Variants in KSR2 observed in about 807,000 individuals in gnomAD.
The protein encoded by KSR2 is kinase suppressor of ras 2.
KSR2 carries 25 observed loss-of-function variants against 107.8 expected under a neutral mutation model. The observed-to-expected ratio is 0.23, with a 90% CI of 0.17 to 0.32. KSR2 has a LOEUF of 0.32. Among genes scored for constraint, KSR2 ranks in the 10% least tolerant of loss-of-function variants. The pLI is 1.00. For synonymous variants in KSR2, 480 were observed against 507.0 expected (o/e 0.95, Z 0.71); for missense variants, 887 against 1,268.9 (o/e 0.70, Z 4.57).
Position 117,459,398 on chromosome 12 carries a change from T to A in KSR2, c.*7801A>T, listed in dbSNP as rs1870782823. 6.6e-6 allele frequency: 1 copy of A among 152,190 alleles called. No individual in the cohort carries two copies. Among genetic ancestry groups the A allele is most frequent in the South Asian group, 2.1e-4 (1 of 4,832 alleles). 9.4% of individuals were successfully genotyped at this position (152,190 alleles called of 1,614,324 possible). ...GATAAGGGAGGGTCACTCATATCCATCTTAAGTGGTAACTCGAATGCCCTG... is the reference window on the plus strand; with the variant it reads ...GATAAGGGAGGGTCACTCATATCCAACTTAAGTGGTAACTCGAATGCCCTG... On this transcript the variant is annotated 3_prime_UTR_variant, in exon 20 of 20. Coordinates refer to ENST00000339824, the MANE Select transcript of KSR2 (RefSeq NM_173598.6).
chr12:117,729,074 C>G (rs1887558301), intron 4 of KSR2, among the ~76,000 whole-genome samples: 2 of 152,124 alleles, frequency 1.3e-5, no homozygotes, highest in Non-Finnish European at 2.9e-5. Flanking sequence ...GGGCCAAACT[C>G]AGCGCTGTGC....
rs546601609 is a variant in KSR2, at chr12:117,539,608, C to T, written c.1687+111G>A. On this transcript the variant is annotated intron_variant, in intron 10 of 19. Coordinates refer to ENST00000339824, the MANE Select transcript of KSR2 (RefSeq NM_173598.6). ...GCCCCTCTCTGGTCATTGACCCATT[C>T]GCTTTCCTGCAGAGACTTGCTGCAT... is the stretch of plus-strand genomic sequence containing the variant. 8.4e-5 allele frequency: 90 copies of T among 1,073,498 alleles called. No individual in the cohort carries two copies. In the East Asian group the frequency reaches 2.1e-3, roughly 26 times the overall value. 66.5% of individuals were successfully genotyped at this position (1,073,498 alleles called of 1,614,324 possible). A position where few individuals can be genotyped will look rare whatever the true frequency, so the allele number is the denominator to read the frequency against.
At chr12:117,937,393 T>TCTATTATTATTATTATTA (rs1487539046) in intron 1 of KSR2, among the ~76,000 whole-genome samples, 1 of 152,064 alleles carries the variant, frequency 6.6e-6, no homozygotes, top group Non-Finnish European at 1.5e-5. Flanking sequence ...ATCTTGCCCA[T>TCTATTATTATTATTATTA]CTATTATTAT....
chr12:117,513,247 G>A (rs1317538442), intron 14 of KSR2, among the ~76,000 whole-genome samples: 2 of 152,182 alleles, frequency 1.3e-5, no homozygotes, highest in African/African-American at 4.8e-5. Flanking sequence ...TCCATTGATT[G>A]AGGAAAGCAG....
rs7132312 is a variant in KSR2, at chr12:117,763,300, T to C, written c.473-1776A>G. The stretch of plus-strand genomic sequence containing the variant: ...TAATCCAGTCTATCATTGTTGGACA[T>C]TTGGGTTGGTTCCAAGTCTTTGCTA... On this transcript the variant is annotated intron_variant, in intron 3 of 19. Transcript: ENST00000339824. 5.3e-3 allele frequency among the ~76,000 whole-genome samples: 786 copies of C among 148,780 alleles called. 3 individuals are homozygous for C. The highest frequency in any genetic ancestry group is 7.8e-3 in the Non-Finnish European group (527 of 67,602).
chr12:117,706,067 G>A (rs544255254), intron 4 of KSR2, among the ~76,000 whole-genome samples: 21 of 141,448 alleles, frequency 1.5e-4, no homozygotes, highest in African/African-American at 5.3e-4. Flanking sequence ...TTTTTGAGAC[G>A]GAGTCCTGCT....
chr12:117,694,849 T>TA (rs1565965213), intron 4 of KSR2, among the ~76,000 whole-genome samples: 3 of 122,956 alleles, frequency 2.4e-5, no homozygotes, highest in African/African-American at 1.1e-4. Context: ...ATGATTCTTT[T>TA]TTTTTTTTTT....
intron 4 of KSR2, among the ~76,000 whole-genome samples, chr12:117,758,992 A>G (rs974575025): frequency 6.6e-6 from 1 of 152,026 alleles, no homozygotes; most frequent in South Asian, 2.1e-4. Flanking sequence ...GCAGGCCCCA[A>G]TCTCTGTGGC....
intron 5 of KSR2, among the ~76,000 whole-genome samples, chr12:117,666,852 C>A (rs1884677847): frequency 6.6e-6 from 1 of 152,134 alleles, no homozygotes; most frequent in African/African-American, 2.4e-5. Flanking sequence ...CAAATCGGGC[C>A]TCTGGGTAGA....
intron 4 of KSR2, among the ~76,000 whole-genome samples, chr12:117,713,584 T>C (rs1886873822): frequency 6.6e-6 from 1 of 151,902 alleles, no homozygotes; most frequent in South Asian, 2.1e-4. Context: ...TTTGTGTAGT[T>C]TGCATTTGTT....
chr12:117,839,972 A>C (rs1472783633), intron 3 of KSR2, among the ~76,000 whole-genome samples: 1 of 152,178 alleles, frequency 6.6e-6, no homozygotes, highest in Non-Finnish European at 1.5e-5. Flanking sequence ...GTTGCCCAGA[A>C]AGACAGAAAA....
Position 117,861,618 on chromosome 12 carries a change from G to T in KSR2, c.181-1187C>A, listed in dbSNP as rs577323734. Among the ~76,000 whole-genome samples, 10 of 151,750 alleles carry T rather than the reference G, an allele frequency of 6.6e-5. No individual in the cohort carries two copies. The East Asian group carries it at 1.4e-3, about 21-fold the overall frequency. ...TTAGCCAGGATGGTCTCGATCTCCT[G>T]ACCTGGGGATCTGCCCGCCTCGGCC... is the stretch of plus-strand genomic sequence containing the variant. On this transcript the variant is annotated intron_variant, in intron 1 of 19. Coordinates refer to ENST00000339824, the MANE Select transcript of KSR2 (RefSeq NM_173598.6).
At chr12:117,711,900 C>T (rs1379131124) in intron 4 of KSR2, among the ~76,000 whole-genome samples, 2 of 152,196 alleles carry the variant, frequency 1.3e-5, no homozygotes, top group African/African-American at 4.8e-5. Flanking sequence ...GTGTGGGGAT[C>T]AGGGAGACAC....
At position 117,823,175 on chromosome 12, in the gene KSR2, G is replaced by A. The variant is rs182510141; in HGVS notation, c.472+32253C>T. Among the ~76,000 whole-genome samples, 9 of 151,702 alleles carry A rather than the reference G, an allele frequency of 5.9e-5. No homozygotes were observed. In the East Asian group the frequency reaches 1.4e-3, roughly 23 times the overall value. ...AGTAAGAGAGAAAATAGAAGGAAAC[G>A]TGGCTGCCGAGGTAGGAAGGAGTGG... On this transcript the variant is annotated intron_variant, in intron 3 of 19. Coordinates refer to ENST00000339824, the MANE Select transcript of KSR2 (RefSeq NM_173598.6).
intron 3 of KSR2, among the ~76,000 whole-genome samples, chr12:117,794,106 T>TGCACACA (rs1177856719): frequency 5.1e-5 from 2 of 39,478 alleles, no homozygotes; most frequent in Non-Finnish European, 9.7e-5. Flanking sequence ...ACATGCACAC[T>TGCACACA]CACACCAACA....
intron 5 of KSR2, among the ~76,000 whole-genome samples, chr12:117,626,652 G>A (rs142809158): frequency 0.01 from 1,530 of 152,252 alleles, 12 homozygotes; most frequent in Non-Finnish European, 0.016. Flanking sequence ...GAATAAGTGC[G>A]ATGTGGTGCT....
At chr12:117,580,238 T>C (rs1025212388) in intron 6 of KSR2, among the ~76,000 whole-genome samples, 1 of 152,146 alleles carries the variant, frequency 6.6e-6, no homozygotes, top group African/African-American at 2.4e-5. Context: ...TCTAAGCAAA[T>C]AGCAACATTC....
intron 7 of KSR2, among the ~76,000 whole-genome samples, chr12:117,571,416 G>A (rs1462004133): frequency 6.6e-6 from 1 of 152,160 alleles, no homozygotes; most frequent in Non-Finnish European, 1.5e-5. Context: ...TTGTCTCAAG[G>A]TAAGGAGGCT....
chr12:117,697,499 T>C (rs990645690), intron 4 of KSR2, among the ~76,000 whole-genome samples: 4 of 152,172 alleles, frequency 2.6e-5, no homozygotes, highest in South Asian at 2.1e-4. Flanking sequence ...CCCTAGCACT[T>C]TGGGAGGCCA....
Sources: allele counts gnomAD v4.1 joint callset (sites outside exome capture counted in the v4.1 genomes callset), GRCh38; gene constraint gnomAD v4.1.1; transcripts MANE v1.5; gene names NCBI Gene and HGNC (gene_info 2026-07-23, HGNC 2026-07-21).